PPP1R13B: variants seen among roughly 807,000 people sequenced by gnomAD.
PPP1R13B encodes apoptosis-stimulating of p53 protein 1.
A neutral mutation model predicts 119.8 loss-of-function variants in PPP1R13B; 44 were observed. The ratio of observed to expected loss-of-function variants is 0.37; its 90% CI spans 0.29 to 0.47. PPP1R13B has a LOEUF of 0.47. Ranked by LOEUF, PPP1R13B falls within the 20% of genes least tolerant of loss-of-function variation. The pLI is 0.99. For synonymous variants in PPP1R13B, 542 were observed against 561.5 expected (o/e 0.97, Z 0.49); for missense variants, 1,227 against 1,413.5 (o/e 0.87, Z 2.12).
rs2086809693 is a variant in PPP1R13B, at chr14:103,837,711, GTTTATT to G, written c.9+9582_9+9587del. Among the ~76,000 whole-genome samples, 3 of 152,260 alleles carry G rather than the reference GTTTATT, an allele frequency of 2.0e-5. No individual in the cohort carries two copies. In the South Asian group the frequency reaches 6.2e-4, roughly 32 times the overall value. On this transcript the variant is annotated intron_variant, in intron 1 of 16. Coordinates refer to ENST00000202556, the MANE Select transcript of PPP1R13B (RefSeq NM_015316.3). ...AATTTGTTTCCTAACTACTCTTCCT[GTTTATT>G]TTTAATCTCCCTTACTGCACCAACT...
chr14:103,816,420 C>T (rs1163403683), intron 1 of PPP1R13B, among the ~76,000 whole-genome samples: 1 of 149,666 alleles, frequency 6.7e-6, no homozygotes, highest in Non-Finnish European at 1.5e-5. Flanking sequence ...GGCACAGTGG[C>T]TCACGCCTGT....
At chr14:103,754,698 TA>T (rs1445272403) in intron 5 of PPP1R13B, among the ~76,000 whole-genome samples, 2 of 151,612 alleles carry the variant, frequency 1.3e-5, no homozygotes, top group East Asian at 1.9e-4. Flanking sequence ...TATCAGACCA[TA>T]AAAAACTGAA....
intron 1 of PPP1R13B, among the ~76,000 whole-genome samples, chr14:103,808,205 C>T (rs1056934084): frequency 6.6e-6 from 1 of 151,360 alleles, no homozygotes; most frequent in Non-Finnish European, 1.5e-5. Context: ...GATCACGCCA[C>T]TGCACGCCAG....
chr14:103,793,161 AAGAGAAGGG>A (rs1490128929), intron 2 of PPP1R13B, among the ~76,000 whole-genome samples: 3 of 149,338 alleles, frequency 2.0e-5, no homozygotes, highest in Middle Eastern at 3.4e-3. Flanking sequence ...AGGGGAAGGG[AAGAGAAGGG>A]AGAGAAGGGA....
rs140212339 is a variant in PPP1R13B at position 103,787,024 on chromosome 14, T to C, written c.158-2110A>G. 1.9e-3 allele frequency among the ~76,000 whole-genome samples: 294 copies of C among 151,750 alleles called. 1 individual carries two copies. The highest frequency in any genetic ancestry group is 6.9e-3 in the African/African-American group (283 of 41,222). On this transcript the variant is annotated intron_variant, in intron 2 of 16. Coordinates refer to ENST00000202556, the MANE Select transcript of PPP1R13B (RefSeq NM_015316.3). ...TGCCTGGCCTACACCCAGCTAATTT[T>C]TTGAATTTTTTGTAGAGACAGGGTT... is the stretch of plus-strand genomic sequence containing the variant.
chr14:103,782,809 C>CTT (rs960113180), intron 3 of PPP1R13B, among the ~76,000 whole-genome samples: 1 of 145,550 alleles, frequency 6.9e-6, no homozygotes, highest in African/African-American at 2.5e-5. Flanking sequence ...TTCTACTAAG[C>CTT]TTTTTTTTTT....
At chr14:103,765,065 G>A (rs549066146) in intron 4 of PPP1R13B, among the ~76,000 whole-genome samples, 43 of 152,266 alleles carry the variant, frequency 2.8e-4, no homozygotes, top group East Asian at 9.7e-4. Flanking sequence ...TGATCCGCCC[G>A]CCTCGGCCTC....
chr14:103,834,581 CTTTTTTTTTT>C (rs1157222905), intron 1 of PPP1R13B, among the ~76,000 whole-genome samples: 8 of 89,378 alleles, frequency 9.0e-5, no homozygotes, highest in Admixed American at 1.1e-4. Context: ...ATTTTAATGT[CTTTTTTTTTT>C]TTTTTTTTTT....
intron 1 of PPP1R13B, among the ~76,000 whole-genome samples, chr14:103,814,674 G>A (rs1212103816): frequency 5.3e-5 from 8 of 152,106 alleles, no homozygotes; most frequent in Non-Finnish European, 4.4e-5. Context: ...GGCGGGGCGC[G>A]GTGGCTCACG....
chr14:103,767,063 C>T (rs2084954921), intron 4 of PPP1R13B, among the ~76,000 whole-genome samples: 1 of 152,114 alleles, frequency 6.6e-6, no homozygotes, highest in Admixed American at 6.5e-5. Context: ...GTCACCTGCC[C>T]AATGACCCGA....
At position 103,734,599 on chromosome 14, in the gene PPP1R13B, A is replaced by G. The variant is rs2084041391; in HGVS notation, c.*555T>C. 5 of 456,438 alleles carry G rather than the reference A, an allele frequency of 1.1e-5. No homozygotes were observed. The highest frequency in any genetic ancestry group is 2.2e-5 in the Non-Finnish European group (5 of 226,820). The allele number at this position is 456,438 out of a possible 1,614,324, so 28.3% of individuals were successfully genotyped here. On this transcript the variant is annotated 3_prime_UTR_variant, in exon 17 of 17. Transcript: ENST00000202556. Reference sequence around the variant, plus strand: ...AGCGGAACCCCCAAGGCGGCCGAGCAGAGTGGGTACTGGGAGGCATACACA... The same window carrying G: ...AGCGGAACCCCCAAGGCGGCCGAGCGGAGTGGGTACTGGGAGGCATACACA...
intron 9 of PPP1R13B, chr14:103,744,046 C>T (rs2084326482): frequency 6.6e-6 from 1 of 152,256 alleles, no homozygotes; most frequent in Non-Finnish European, 1.5e-5. Context: ...CATCTTGCTC[C>T]ACGTGGCCTG....
chr14:103,777,057 A>ATC (rs1485083013), intron 4 of PPP1R13B, among the ~76,000 whole-genome samples: 3 of 151,600 alleles, frequency 2.0e-5, no homozygotes, highest in Non-Finnish European at 2.9e-5. Flanking sequence ...CAGTGGCACG[A>ATC]TCTCGGCTCA....
chr14:103,778,121 T>G (rs1341283832), intron 4 of PPP1R13B, among the ~76,000 whole-genome samples: 1 of 149,420 alleles, frequency 6.7e-6, no homozygotes, highest in Non-Finnish European at 1.5e-5. Context: ...CCAGCTAATT[T>G]TTTTGTATTT....
chr14:103,742,777 G>A lies in PPP1R13B; in HGVS notation c.1197C>T (p.Ser399=), dbSNP rs892284404. The A allele has an allele frequency of 1.4e-5, 23 of 1,614,136 alleles. No homozygotes were observed. The highest frequency in any genetic ancestry group is 2.2e-5 in the East Asian group (1 of 44,888). The change falls in exon 10 of 17, where the codon TCC becomes TCT. Residue 399 remains serine (S), a synonymous_variant. Transcript: ENST00000202556. This position sits in a 1 kb window ranked among gnomAD's most constrained non-coding sequence, Gnocchi z 4.9. ...WPTLKQNSSS[S]VKPVQVAGAD... is the part of the protein sequence containing the mutation. ...CACCGGCCACCTGCACTGGTTTCAC[G>A]GAAGAGCTAGAATTCTGTTTTAATG...
At position 103,742,540 on chromosome 14, in the gene PPP1R13B, A is replaced by C. The variant is rs2084285568; in HGVS notation, c.1320+114T>G. The C allele has an allele frequency of 3.5e-6, 5 of 1,419,900 alleles. No individual in the cohort carries two copies. Among genetic ancestry groups the C allele is most frequent in the Non-Finnish European group, 3.8e-6 (4 of 1,054,566 alleles). 88.0% of individuals were successfully genotyped at this position (1,419,900 alleles called of 1,614,324 possible). A position where few individuals can be genotyped will look rare whatever the true frequency, so the allele number is the denominator to read the frequency against. ...CTAGGACTTTGGGTGTTGTCTGGAC[A>C]ATAACAGGATTAACTTGCCTCCTGA... On this transcript the variant is annotated intron_variant, in intron 10 of 16. Transcript: ENST00000202556. The surrounding 1 kb of genome is among the most constrained non-coding windows in gnomAD (Gnocchi z 4.9).
At chr14:103,824,776 A>T (rs1279877799) in intron 1 of PPP1R13B, among the ~76,000 whole-genome samples, 1 of 151,936 alleles carries the variant, frequency 6.6e-6, no homozygotes, top group Admixed American at 6.6e-5. Flanking sequence ...ATAAAAGGGT[A>T]ATAAATATTT....
chr14:103,775,858 G>C (rs2085174918), intron 4 of PPP1R13B, among the ~76,000 whole-genome samples: 1 of 152,118 alleles, frequency 6.6e-6, no homozygotes, highest in Non-Finnish European at 1.5e-5. Context: ...CAGAAGGCAG[G>C]AATGTGAAGA....
chr14:103,735,283 C>T, intron 16 of PPP1R13B, 88 bp from the exon 17 acceptor site: 2 of 1,306,888 alleles, frequency 1.5e-6, no homozygotes, highest in Non-Finnish European at 1.1e-6. Flanking sequence ...TCACCTCAGC[C>T]ACCCTGGACA....
Sources: allele counts gnomAD v4.1 joint callset (sites outside exome capture counted in the v4.1 genomes callset), GRCh38; gene constraint gnomAD v4.1.1; non-coding constraint Gnocchi (gnomAD v3.1); transcripts MANE v1.5; gene names NCBI Gene and HGNC (gene_info 2026-07-23, HGNC 2026-07-21).